EPHX2: variants seen among roughly 807,000 people sequenced by gnomAD.
EPHX2 encodes the protein bifunctional epoxide hydrolase 2.
Under a neutral mutation model 78.7 loss-of-function variants are expected in EPHX2, and 74 were observed. The observed-to-expected ratio is 0.94, with a 90% CI of 0.78 to 1.14. The LOEUF (loss-of-function observed/expected upper bound fraction) is 1.14, where lower values mean the gene tolerates loss of function less well. Ranked by LOEUF, EPHX2 falls within the 50% of genes most tolerant of loss-of-function variation. The pLI is 0.00. For missense variants in EPHX2, 715 were observed against 702.5 expected, an observed-to-expected ratio of 1.02 and a Z score of -0.20; for synonymous variants, 251 against 255.2, an observed-to-expected ratio of 0.98 and a Z score of 0.16.
At chr8:27,541,642 T>A in intron 16 of EPHX2, 100 bp downstream of exon 16, 1 of 1,247,456 alleles carries the variant, frequency 8.0e-7, no homozygotes, top group Non-Finnish European at 1.2e-6. Flanking sequence ...GAGCTGGTTG[T>A]GGACAGATCT....
chr8:27,520,674 A>C (rs1254377644), intron 9 of EPHX2, among the ~76,000 whole-genome samples: 1 of 151,882 alleles, frequency 6.6e-6, no homozygotes, highest in African/African-American at 2.4e-5. Context: ...GGACTCCCAG[A>C]CCCGTTGGAT....
At chr8:27,527,359 T>C (rs55872532) in intron 12 of EPHX2, among the ~76,000 whole-genome samples, 12,513 of 152,170 alleles carry the variant, frequency 0.082, 535 homozygotes, top group Non-Finnish European at 0.1. Context: ...CTACTGCACA[T>C]GGCCTAAAAT....
At chr8:27,525,105 T>TGCGCGC (rs1345689668) in intron 11 of EPHX2, among the ~76,000 whole-genome samples, 316 of 127,526 alleles carry the variant, frequency 2.5e-3, no homozygotes, top group South Asian at 0.013. Context: ...TGTGTGTGTG[T>TGCGCGC]GTGCGCGCGC....
chr8:27,541,341 T>C, intron 15 of EPHX2, 132 bp from the exon 16 acceptor site: 1 of 924,282 alleles, frequency 1.1e-6, no homozygotes, highest in Non-Finnish European at 1.7e-6. Flanking sequence ...TCCTGGGCTC[T>C]ATTCTCTTGC....
At chr8:27,512,710 AG>A (rs540983678) in intron 6 of EPHX2, among the ~76,000 whole-genome samples, 1 of 152,196 alleles carries the variant, frequency 6.6e-6, no homozygotes, top group Non-Finnish European at 1.5e-5. Context: ...TCAGCAAAAA[AG>A]GCCAGACAGC....
At chr8:27,502,675 G>A (rs372534507) in intron 2 of EPHX2, among the ~76,000 whole-genome samples, 1 of 152,298 alleles carries the variant, frequency 6.6e-6, no homozygotes, top group East Asian at 1.9e-4. Context: ...GGGAAAAAAA[G>A]CAAGTTCTTG....
intron 5 of EPHX2, among the ~76,000 whole-genome samples, chr8:27,508,632 A>G (rs1814109205): frequency 6.6e-6 from 1 of 152,150 alleles, no homozygotes; most frequent in African/African-American, 2.4e-5. Context: ...TAAAAACTAT[A>G]TCTCACTTCT....
In EPHX2 at chr8:27,541,539, GA is replaced by G. The variant is rs1421138438; in HGVS notation, c.1448del (p.Lys483ArgfsTer3). 1.2e-6 allele frequency: 2 copies of G among 1,613,952 alleles called. No individual in the cohort carries two copies. The highest frequency in any genetic ancestry group is 2.2e-5 in the South Asian group (2 of 91,090). On this transcript the variant is annotated frameshift_variant and splice_region_variant, in exon 16 of 19. Coordinates refer to ENST00000521400, the MANE Select transcript of EPHX2 (RefSeq NM_001979.6). LOFTEE classifies it high-confidence loss of function. The part of the protein sequence containing the change: ...WKWACKSLGR[K>X]ILIPALMVTA... Reference sequence around the variant, plus strand: ...AGTGGGCTTGCAAAAGCTTGGGACGGAAGGTGAGTGCCAGGTTCAGTGTAGT... The same window carrying G: ...AGTGGGCTTGCAAAAGCTTGGGACGGAGGTGAGTGCCAGGTTCAGTGTAGT...
At chr8:27,531,220 C>T (rs918908287) in intron 12 of EPHX2, among the ~76,000 whole-genome samples, 1 of 152,206 alleles carries the variant, frequency 6.6e-6, no homozygotes, top group Non-Finnish European at 1.5e-5. Context: ...TGACCTTCAA[C>T]GAGGCACTTA....
chr8:27,504,041 C>G (rs1343317969), intron 3 of EPHX2, among the ~76,000 whole-genome samples: 1 of 152,112 alleles, frequency 6.6e-6, no homozygotes, highest in Non-Finnish European at 1.5e-5. Context: ...TAGTAATGAC[C>G]CAAATGACAT....
At chr8:27,534,945 G>T (rs1815163891) in intron 12 of EPHX2, among the ~76,000 whole-genome samples, 1 of 152,200 alleles carries the variant, frequency 6.6e-6, no homozygotes, top group Admixed American at 6.5e-5. Context: ...CAAACTAATA[G>T]AAGTCCATGC....
At chr8:27,504,899 G>A (rs1813938099) in intron 3 of EPHX2, 57 bp from the exon 4 acceptor site, 1 of 1,585,576 alleles carries the variant, frequency 6.3e-7, no homozygotes, top group African/African-American at 1.3e-5. Context: ...GGGGTATCTG[G>A]AGCATTTCAG....
At chr8:27,516,796 C>A (rs938744955) in intron 8 of EPHX2, among the ~76,000 whole-genome samples, 5 of 152,214 alleles carry the variant, frequency 3.3e-5, no homozygotes, top group African/African-American at 1.2e-4. Context: ...GAATCTAACT[C>A]CTCTAAAGAC....
At position 27,544,544 on chromosome 8, in the gene EPHX2, C is replaced by G. The variant is rs776419985; in HGVS notation, c.*22C>G. The G allele has an allele frequency of 2.5e-6, 4 of 1,612,058 alleles. No homozygotes were observed. Among genetic ancestry groups the G allele is most frequent in the Middle Eastern group, 1.9e-4 (1 of 5,130 alleles). ...GTAGAACGCAGCGTGTGCCCACGCT[C>G]AGCAGGTGTGCCATCCTTCCACCTG... On this transcript the variant is annotated 3_prime_UTR_variant, in exon 19 of 19. Coordinates refer to ENST00000521400, the MANE Select transcript of EPHX2 (RefSeq NM_001979.6).
Position 27,522,518 on chromosome 8 carries a change from C to T in EPHX2, c.1058+10C>T. The T allele has an allele frequency of 6.2e-7, 1 of 1,613,036 alleles. No homozygotes were observed. On this transcript the variant is annotated intron_variant, in intron 11 of 18. Coordinates refer to ENST00000521400, the MANE Select transcript of EPHX2 (RefSeq NM_001979.6). ...ACCCCGAGAGAGTGAGGTAATTGGG[C>T]CTCGGGCAATAAAGATTTGGAGGAG...
At position 27,507,015 on chromosome 8, in the gene EPHX2, G is replaced by A. The variant is rs112335393; in HGVS notation, c.660+21G>A. On this transcript the variant is annotated intron_variant, in intron 5 of 18. Coordinates refer to ENST00000521400, the MANE Select transcript of EPHX2 (RefSeq NM_001979.6). ...TCCAGGTAACTTGACTTCTGAGCGA[G>A]CCAAGCTTCCTGGACTCATCTGTGG... 64 of 1,612,582 alleles carry A rather than the reference G, an allele frequency of 4.0e-5. 1 individual carries two copies. The African/African-American group carries it at 6.8e-4, about 17-fold the overall frequency.
chr8:27,546,260 A>G (rs10096092), downstream of EPHX2, among the ~76,000 whole-genome samples: 16,711 of 152,152 alleles, frequency 0.11, 1,013 homozygotes, highest in African/African-American at 0.15. Flanking sequence ...TCCCTCATCT[A>G]TAAAAAAGGG....
At chr8:27,527,482 A>G (rs1239128548) in intron 12 of EPHX2, among the ~76,000 whole-genome samples, 1 of 152,194 alleles carries the variant, frequency 6.6e-6, no homozygotes, top group Non-Finnish European at 1.5e-5. Context: ...CCATCACCAC[A>G]TCCACCTCCA....
intron 5 of EPHX2, among the ~76,000 whole-genome samples, chr8:27,508,383 A>T (rs1219879481): frequency 6.6e-6 from 1 of 152,200 alleles, no homozygotes. Flanking sequence ...GCCCATGACA[A>T]GACTGATTTT....
Sources: gnomAD v4.1 joint callset for allele counts (sites outside exome capture counted in the v4.1 genomes callset) on GRCh38, gnomAD v4.1.1 for gene constraint, MANE v1.5 for transcripts, NCBI Gene and HGNC (gene_info 2026-07-23, HGNC 2026-07-21) for gene names.